NAALADL2: variants seen among roughly 807,000 people sequenced by gnomAD.
NAALADL2 encodes the protein N-acetylated alpha-linked acidic dipeptidase like 2.
In NAALADL2, 76 loss-of-function variants were observed where a neutral mutation model predicts 87.2. That is an observed-to-expected ratio of 0.87 (90% CI 0.72 to 1.05). The LOEUF (loss-of-function observed/expected upper bound fraction) is 1.05, where lower values mean the gene tolerates loss of function less well. NAALADL2 is among the 50% of genes least tolerant of loss of function. The probability of loss-of-function intolerance (pLI) is 0.00; values close to 1 mark genes in which losing one functional copy is unlikely to be tolerated. For synonymous variants in NAALADL2, 354 were observed against 331.0 expected (o/e 1.07, Z -0.75); for missense variants, 1,089 against 945.8 (o/e 1.15, Z -1.99).
chr3:175,648,507 T>TC lies in NAALADL2; in HGVS notation c.1896+21121_1896+21122insC, dbSNP rs201130202. On this transcript the variant is annotated intron_variant, in intron 11 of 13. Transcript: ENST00000454872. ...AGACAATTTTCTTTTTTTTTTTTTTTGCTTTCTTCCCTATTTTAATGACTG... is the reference window on the plus strand; with the variant it reads ...AGACAATTTTCTTTTTTTTTTTTTTTCGCTTTCTTCCCTATTTTAATGACTG... 1.8e-3 allele frequency among the ~76,000 whole-genome samples: 265 copies of TC among 149,880 alleles called. 3 individuals are homozygous for TC. Among genetic ancestry groups the TC allele is most frequent in the African/African-American group, 6.4e-3 (262 of 40,848 alleles).
At chr3:175,016,278 A>ATATAT (rs58474829) in intron 1 of NAALADL2, among the ~76,000 whole-genome samples, 1,941 of 144,800 alleles carry the variant, frequency 0.013, 18 homozygotes, top group Middle Eastern at 0.023. Flanking sequence ...TATATATATA[A>ATATAT]AAAACAATAG....
rs369786020 is a variant in NAALADL2 at position 174,485,308 on chromosome 3, C to T, written c.-184+44276C>T. On this transcript the variant is annotated intron_variant, in intron 1 of 3. Coordinates refer to the NAALADL2 transcript ENST00000434257. ...CAAATACTATGCAAGTTTTTAAAAA[C>T]CTTCAAGTTTAGGGGTACATGTACA... 3.3e-5 allele frequency among the ~76,000 whole-genome samples: 5 copies of T among 151,830 alleles called. No homozygotes were observed. The East Asian group carries it at 9.7e-4, about 30-fold the overall frequency.
At position 174,883,274 on chromosome 3, in the gene NAALADL2, C is replaced by A. The variant is rs78475668; in HGVS notation, c.43+23824C>A. 5.3e-3 allele frequency among the ~76,000 whole-genome samples: 809 copies of A among 152,190 alleles called. 8 individuals are homozygous for A. The highest frequency in any genetic ancestry group is 0.019 in the African/African-American group (771 of 41,540). ...TCACAGAAACACACCAGGAGCAATG[C>A]TTTGTATCGTTCAGTCCACTCAAGT... is the stretch of plus-strand genomic sequence containing the variant. On this transcript the variant is annotated intron_variant, in intron 1 of 13. Coordinates refer to ENST00000454872, the MANE Select transcript of NAALADL2 (RefSeq NM_207015.3).
At chr3:175,544,658 G>T (rs1377009681) in intron 9 of NAALADL2, among the ~76,000 whole-genome samples, 1 of 152,068 alleles carries the variant, frequency 6.6e-6, no homozygotes, top group Non-Finnish European at 1.5e-5. Context: ...TTGGATATTT[G>T]CCTATTTTAT....
chr3:174,711,809 T>C (rs956055207), intron 2 of NAALADL2, among the ~76,000 whole-genome samples: 3 of 152,220 alleles, frequency 2.0e-5, no homozygotes, highest in Non-Finnish European at 4.4e-5. Context: ...AATTTTTGTT[T>C]GTTTGTTCTT....
At position 175,743,415 on chromosome 3, in the gene NAALADL2, T is replaced by A. The variant is rs534418798; in HGVS notation, c.1990+6016T>A. Among the ~76,000 whole-genome samples, 858 of 152,272 alleles carry A rather than the reference T, an allele frequency of 5.6e-3. 9 individuals are homozygous for A. Among genetic ancestry groups the A allele is most frequent in the African/African-American group, 0.02 (816 of 41,554 alleles). ...AGGTGCCATATTTTGGGATAGGGTGTCCTGAACCCCATCACAGGCATAGAA... is the reference window on the plus strand; with the variant it reads ...AGGTGCCATATTTTGGGATAGGGTGACCTGAACCCCATCACAGGCATAGAA... On this transcript the variant is annotated intron_variant, in intron 12 of 13. Transcript: ENST00000454872.
At chr3:175,456,812 G>A (rs1722385981) in intron 6 of NAALADL2, among the ~76,000 whole-genome samples, 2 of 151,874 alleles carry the variant, frequency 1.3e-5, no homozygotes, top group African/African-American at 4.8e-5. Flanking sequence ...AATTACAATA[G>A]GGTCCAAACT....
intron 1 of NAALADL2, among the ~76,000 whole-genome samples, chr3:174,957,709 G>C (rs1276988477): frequency 2.6e-5 from 4 of 151,446 alleles, no homozygotes; most frequent in Non-Finnish European, 4.4e-5. Flanking sequence ...ATCTTTAAAT[G>C]AATAGCATAT....
intron 5 of NAALADL2, among the ~76,000 whole-genome samples, chr3:175,374,077 T>C (rs1202550821): frequency 2.0e-5 from 3 of 152,180 alleles, no homozygotes; most frequent in Non-Finnish European, 4.4e-5. Context: ...GCATATATTT[T>C]CTACCAATTA....
rs141252812 is a variant in NAALADL2, at chr3:175,217,183, C to T, written c.546-16748C>T. ...CTTCATTTATTTTTGGTTATGTATG[C>T]AATGAGTATACCCCAGCTAGGCACA... On this transcript the variant is annotated intron_variant, in intron 2 of 13. Coordinates refer to ENST00000454872, the MANE Select transcript of NAALADL2 (RefSeq NM_207015.3). Among the ~76,000 whole-genome samples the T allele has an allele frequency of 3.4e-4, 52 of 152,200 alleles. No homozygotes were observed. The East Asian group carries it at 5.8e-3, about 17-fold the overall frequency.
intron 1 of NAALADL2, among the ~76,000 whole-genome samples, chr3:174,886,399 C>T (rs182245359): frequency 2.6e-5 from 4 of 152,222 alleles, no homozygotes; most frequent in East Asian, 3.9e-4. Flanking sequence ...GGTGGGTCTG[C>T]CTTTCCCAGC....
chr3:175,277,037 T>C (rs943249993), intron 4 of NAALADL2, among the ~76,000 whole-genome samples: 2 of 152,130 alleles, frequency 1.3e-5, no homozygotes, highest in African/African-American at 4.8e-5. Flanking sequence ...ATATGCTCAC[T>C]CAGAGGCCAA....
chr3:175,423,895 G>A (rs1460042623), intron 5 of NAALADL2, among the ~76,000 whole-genome samples: 2 of 152,098 alleles, frequency 1.3e-5, no homozygotes, highest in East Asian at 1.9e-4. Flanking sequence ...GTGTAAAAAT[G>A]TTCCTATTTG....
At chr3:175,231,558 C>T (rs550305283) in intron 2 of NAALADL2, among the ~76,000 whole-genome samples, 77 of 152,120 alleles carry the variant, frequency 5.1e-4, no homozygotes, top group African/African-American at 1.7e-3. Context: ...CATTTGCCTT[C>T]GAGGCCTTAT....
intron 10 of NAALADL2, among the ~76,000 whole-genome samples, chr3:175,598,025 G>A (rs1253153165): frequency 2.6e-5 from 4 of 152,038 alleles, no homozygotes; most frequent in East Asian, 3.9e-4. Context: ...ATAGATGTAT[G>A]TATACGTTGT....
intron 10 of NAALADL2, among the ~76,000 whole-genome samples, chr3:175,584,465 G>A (rs944131722): frequency 5.9e-5 from 9 of 152,164 alleles, no homozygotes; most frequent in South Asian, 2.1e-4. Context: ...CAGATTTCTG[G>A]ACTCTTTTCT....
intron 1 of NAALADL2, among the ~76,000 whole-genome samples, chr3:175,076,025 C>T (rs1003933998): frequency 6.6e-6 from 1 of 151,924 alleles, no homozygotes; most frequent in Non-Finnish European, 1.5e-5. Context: ...GCCAGGAGTT[C>T]AAGACCAGCC....
intron 1 of NAALADL2, among the ~76,000 whole-genome samples, chr3:174,917,497 A>G (rs1367925119): frequency 1.3e-5 from 2 of 152,116 alleles, no homozygotes; most frequent in East Asian, 3.9e-4. Context: ...CATGTGGTCC[A>G]GAAAATATCC....
intron 2 of NAALADL2, among the ~76,000 whole-genome samples, chr3:175,152,176 T>C (rs1295195253): frequency 1.3e-5 from 2 of 152,180 alleles, no homozygotes; most frequent in Non-Finnish European, 2.9e-5. Context: ...GAAGAAAATT[T>C]GGCACAATAA....
Sources: allele counts gnomAD v4.1 joint callset (sites outside exome capture counted in the v4.1 genomes callset), GRCh38; gene constraint gnomAD v4.1.1; transcripts MANE v1.5; gene names NCBI Gene and HGNC (gene_info 2026-07-23, HGNC 2026-07-21).